GSE1: variants seen among roughly 807,000 people sequenced by gnomAD.
The protein encoded by GSE1 is Gse1 coiled-coil protein.
Under a neutral mutation model 112.6 loss-of-function variants are expected in GSE1, and 32 were observed. That is an observed-to-expected ratio of 0.28 (90% CI 0.21 to 0.38). GSE1 has a LOEUF of 0.38. GSE1 is among the 10% of genes least tolerant of loss of function. The pLI is 1.00. For missense variants in GSE1, 2,348 were observed against 1,699.2 expected (o/e 1.38, Z -6.71); for synonymous variants, 1,115 against 735.6 (o/e 1.52, Z -8.35).
chr16:85,611,547 G>C (rs918970846), upstream of GSE1: 1 of 848,576 alleles, frequency 1.2e-6, no homozygotes. Flanking sequence ...AGCCAGTAAC[G>C]GCCCGACCCG....
chr16:85,368,592 C>T (rs558973173), intron 2 of GSE1, among the ~76,000 whole-genome samples: 1 of 152,218 alleles, frequency 6.6e-6, no homozygotes, highest in African/African-American at 2.4e-5. Context: ...GTAGTCCCAG[C>T]TACTCAGGAG....
chr16:85,172,005 G>T (rs971094028), intron 1 of GSE1, among the ~76,000 whole-genome samples: 1 of 152,204 alleles, frequency 6.6e-6, no homozygotes, highest in Non-Finnish European at 1.5e-5. Flanking sequence ...GACCTTGGAG[G>T]CATGGGGCAG....
At chr16:85,608,661 T>C (rs766261423), upstream of GSE1, among the ~76,000 whole-genome samples, 2 of 152,168 alleles carry the variant, frequency 1.3e-5, no homozygotes, top group Non-Finnish European at 2.9e-5. Flanking sequence ...GGCAGGCCAA[T>C]TAACCTTCTC....
chr16:85,210,884 C>T (rs150730134), intron 1 of GSE1, among the ~76,000 whole-genome samples: 1 of 152,168 alleles, frequency 6.6e-6, no homozygotes, highest in Non-Finnish European at 1.5e-5. Flanking sequence ...CTTCTTCTGG[C>T]CAAGACCCAA....
intron 1 of GSE1, among the ~76,000 whole-genome samples, chr16:85,235,797 C>T (rs927738611): frequency 6.6e-6 from 1 of 151,958 alleles, no homozygotes; most frequent in African/African-American, 2.4e-5. Context: ...AGGCGCCGGC[C>T]GGTGAGCGCG....
intron 2 of GSE1, among the ~76,000 whole-genome samples, chr16:85,505,896 C>A (rs1365083291): frequency 6.6e-6 from 1 of 151,996 alleles, no homozygotes; most frequent in Non-Finnish European, 1.5e-5. Context: ...GAGGATGAGC[C>A]CAGGAGGTCA....
At chr16:85,496,285 C>A (rs2151904032) in intron 2 of GSE1, among the ~76,000 whole-genome samples, 1 of 152,372 alleles carries the variant, frequency 6.6e-6, no homozygotes, top group African/African-American at 2.4e-5. Flanking sequence ...TGGGCCGCCC[C>A]TCGCGGGCCC....
intron 2 of GSE1, among the ~76,000 whole-genome samples, chr16:85,382,915 T>C (rs895381680): frequency 6.7e-6 from 1 of 149,966 alleles, no homozygotes; most frequent in Non-Finnish European, 1.5e-5. Flanking sequence ...TGTGCACACA[T>C]ACATGCACAC....
chr16:85,490,192 G>C (rs572998545), intron 2 of GSE1: 1 of 152,420 alleles, frequency 6.6e-6, no homozygotes, highest in Non-Finnish European at 1.5e-5. Flanking sequence ...ATGTTGAGAG[G>C]CTGAGGGGCC....
At chr16:85,525,809 C>CA (rs2052347805) in intron 2 of GSE1, among the ~76,000 whole-genome samples, 3 of 152,210 alleles carry the variant, frequency 2.0e-5, no homozygotes, top group Non-Finnish European at 4.4e-5. Flanking sequence ...CCTATAATGC[C>CA]ACCCACATCC....
intron 2 of GSE1, among the ~76,000 whole-genome samples, chr16:85,510,131 T>G (rs997651554): frequency 2.0e-5 from 3 of 152,136 alleles, no homozygotes; most frequent in Non-Finnish European, 2.9e-5. Context: ...CCCTCAGGGC[T>G]CCCTGCCTGC....
chr16:85,605,106 T>G (rs968832833), intron 1 of GSE1, among the ~76,000 whole-genome samples: 2 of 151,492 alleles, frequency 1.3e-5, no homozygotes, highest in Non-Finnish European at 2.9e-5. Context: ...TGTGAGCCAC[T>G]GCGCCTGGTC....
exon 1 of GSE1, chr16:85,169,988 A>T: frequency 3.0e-6 from 3 of 984,362 alleles, no homozygotes; most frequent in Non-Finnish European, 3.6e-6. Context: ...GACGAGGACG[A>T]CGGTGGCGGC....
At chr16:85,620,207 G>A (rs2048643231) in intron 1 of GSE1, among the ~76,000 whole-genome samples, 1 of 152,168 alleles carries the variant, frequency 6.6e-6, no homozygotes, top group Non-Finnish European at 1.5e-5. Flanking sequence ...GATCACTTGA[G>A]CCCCGGAGCT....
chr16:85,539,860 G>A (rs761971597), intron 2 of GSE1, among the ~76,000 whole-genome samples: 1 of 152,210 alleles, frequency 6.6e-6, no homozygotes, highest in Admixed American at 6.5e-5. Context: ...ATGTGGGCAG[G>A]GCATTGCTCT....
chr16:85,581,258 T>C (rs1327442577), intron 1 of GSE1, among the ~76,000 whole-genome samples: 1 of 152,178 alleles, frequency 6.6e-6, no homozygotes, highest in African/African-American at 2.4e-5. Flanking sequence ...AGGATCTCTT[T>C]CTGCCCCATG....
chr16:85,627,483 CT>C (rs901240024), intron 1 of GSE1, among the ~76,000 whole-genome samples: 20 of 149,716 alleles, frequency 1.3e-4, no homozygotes, highest in African/African-American at 1.7e-4. Context: ...GCTGTGGCAG[CT>C]TTTTTTTTCC....
At chr16:85,397,809 T>A (rs2048002848) in intron 2 of GSE1, among the ~76,000 whole-genome samples, 1 of 152,114 alleles carries the variant, frequency 6.6e-6, no homozygotes, top group South Asian at 2.1e-4. Flanking sequence ...CTCCTGAAGG[T>A]CTGATTTAAA....
chr16:85,502,474 C>T (rs1054052346), intron 2 of GSE1, among the ~76,000 whole-genome samples: 4 of 152,196 alleles, frequency 2.6e-5, no homozygotes, highest in Admixed American at 1.3e-4. Context: ...AGTCTGGTTC[C>T]AAAGTTCCCG....
Sources: gnomAD v4.1 joint callset for allele counts (sites outside exome capture counted in the v4.1 genomes callset) on GRCh38, gnomAD v4.1.1 for gene constraint, MANE v1.5 for transcripts, NCBI Gene and HGNC (gene_info 2026-07-23, HGNC 2026-07-21) for gene names.